The following NOX1 variants were observed in gnomAD, a reference collection of about 807,000 sequenced individuals.
NOX1 encodes the protein NADH/NADPH mitogenic oxidase subunit P65-MOX.
A neutral mutation model predicts 42.5 loss-of-function variants in NOX1; 34 were observed. The ratio of observed to expected loss-of-function variants is 0.80; its 90% CI spans 0.61 to 1.07. The LOEUF is 1.07. NOX1 is among the 50% of genes least tolerant of loss of function. The pLI is 0.00. For synonymous variants in NOX1, 143 were observed against 152.5 expected (o/e 0.94, Z 0.46); for missense variants, 408 against 427.0 (o/e 0.96, Z 0.39).
intron 5 of NOX1, 41 bp downstream of exon 5, chrX:100,862,628 C>G: frequency 8.4e-7 from 1 of 1,193,382 alleles, no homozygotes; most frequent in Non-Finnish European, 1.1e-6. Context: ...ACTTCCTGCT[C>G]ATGACCAGAT....
At chrX:100,851,461 C>G (rs2085114076) in intron 7 of NOX1, 136 bp from the exon 8 acceptor site, 1 of 344,751 alleles carries the variant, frequency 2.9e-6, no homozygotes, top group Non-Finnish European at 5.0e-6. Flanking sequence ...TTCACCAAAT[C>G]TGGAAGATGG....
At chrX:100,845,578 G>A (rs1262983296) in intron 12 of NOX1, among the ~76,000 whole-genome samples, 2 of 105,631 alleles carry the variant, frequency 1.9e-5, no homozygotes, top group African/African-American at 6.9e-5. Flanking sequence ...GTATAACAAG[G>A]AGTGGGATTG....
At chrX:100,852,475 A>T (rs923107251) in intron 7 of NOX1, among the ~76,000 whole-genome samples, 1 of 112,314 alleles carries the variant, frequency 8.9e-6, no homozygotes, top group Non-Finnish European at 1.9e-5. Context: ...AATAAATAAA[A>T]TAAATAAATA....
chrX:100,866,220 TCA>T (rs2085236052), intron 2 of NOX1, among the ~76,000 whole-genome samples: 1 of 75,593 alleles, frequency 1.3e-5, no homozygotes, highest in African/African-American at 4.8e-5. Context: ...AGACTCCATC[TCA>T]AAAAAAAAAA....
At chrX:100,862,123 C>G (rs2085207151) in intron 7 of NOX1, 48 bp downstream of exon 7, 11 of 1,166,743 alleles carry the variant, frequency 9.4e-6, no homozygotes, top group Non-Finnish European at 1.2e-5. Context: ...AGAATAATAA[C>G]AGTAACAGCT....
At chrX:100,864,509 A>G (rs1170975476) in intron 2 of NOX1, among the ~76,000 whole-genome samples, 2 of 111,901 alleles carry the variant, frequency 1.8e-5, no homozygotes, top group Non-Finnish European at 3.8e-5. Flanking sequence ...TTGGAGCAAA[A>G]TTTTTAAACA....
chrX:100,855,476 T>TCCACCAC, intron 7 of NOX1: 1 of 748,614 alleles, frequency 1.3e-6, no homozygotes, highest in Non-Finnish European at 2.1e-6. Flanking sequence ...CATTGTAGCT[T>TCCACCAC]CCACCACCTC....
Position 100,862,523 on chromosome X carries a change from G to A in NOX1, c.540C>T (p.Ile180=). Residue 180 remains isoleucine, a synonymous_variant, in exon 6 of 13, where the codon ATC becomes ATT. Transcript: ENST00000372966. ...FTSIAGLTGV[I]MTIALILMVT... ...CCATGAGAATCAAGGCTATTGTCAT[G>A]ATCACTCCAGTGAGACCAGCAATGC... The A allele has an allele frequency of 5.0e-6, 6 of 1,210,530 alleles. No individual in the cohort carries two copies. The highest frequency in any genetic ancestry group is 6.7e-6 in the Non-Finnish European group (6 of 894,394).
chrX:100,858,311 C>T (rs2085180843), intron 7 of NOX1, among the ~76,000 whole-genome samples: 2 of 112,067 alleles, frequency 1.8e-5, no homozygotes, highest in Admixed American at 1.9e-4. Flanking sequence ...TATACCAGTA[C>T]TATGCTGTTT....
chrX:100,847,166 G>A (rs2085079399), intron 12 of NOX1, among the ~76,000 whole-genome samples: 1 of 111,163 alleles, frequency 9.0e-6, no homozygotes, highest in African/African-American at 3.3e-5. Flanking sequence ...TCCAGCCTGG[G>A]TGACAAAGCA....
chrX:100,855,630 C>A, intron 7 of NOX1: 1 of 1,035,164 alleles, frequency 9.7e-7, no homozygotes, highest in Non-Finnish European at 1.3e-6. Flanking sequence ...TCCAGAGTAA[C>A]CAGGGCCGCC....
chrX:100,870,214 T>C (rs1396122115), intron 2 of NOX1, among the ~76,000 whole-genome samples: 2 of 107,993 alleles, frequency 1.9e-5, no homozygotes, highest in Admixed American at 2.0e-4. Flanking sequence ...TTTCTATTGA[T>C]TGAAATAGTT....
intron 2 of NOX1, among the ~76,000 whole-genome samples, chrX:100,868,516 C>T (rs1251898330): frequency 9.1e-6 from 1 of 110,322 alleles, no homozygotes; most frequent in East Asian, 2.9e-4. Context: ...CCACTCCCTC[C>T]CTCCCTCTTC....
chrX:100,862,848 A>G (rs750644970), intron 4 of NOX1, 28 bp from the exon 5 acceptor site: 1 of 1,171,591 alleles, frequency 8.5e-7, no homozygotes, highest in East Asian at 3.0e-5. Context: ...AAGAAATGTT[A>G]AGAGGCATCT....
At chrX:100,858,698 G>A (rs2085183704) in intron 7 of NOX1, among the ~76,000 whole-genome samples, 2 of 110,801 alleles carry the variant, frequency 1.8e-5, no homozygotes, top group Admixed American at 1.9e-4. Flanking sequence ...TGGCTATTGT[G>A]AATGGGATTG....
At chrX:100,866,813 A>G (rs1184582941) in intron 2 of NOX1, among the ~76,000 whole-genome samples, 1 of 110,185 alleles carries the variant, frequency 9.1e-6, no homozygotes, top group African/African-American at 3.3e-5. Flanking sequence ...ACTGGGTACA[A>G]TGTTCACTAT....
chrX:100,858,647 C>T (rs1263453800), intron 7 of NOX1, among the ~76,000 whole-genome samples: 1 of 110,981 alleles, frequency 9.0e-6, no homozygotes, highest in African/African-American at 3.3e-5. Flanking sequence ...GATCTTTCAC[C>T]TCCCTAGTTG....
rs764045295 is a variant in NOX1 at position 100,863,200 on chromosome X, G to T, written c.296C>A (p.Thr99Asn). The T allele has an allele frequency of 8.3e-7, 1 of 1,208,481 alleles. No individual in the cohort carries two copies. The highest frequency in any genetic ancestry group is 1.1e-6 in the Non-Finnish European group (1 of 892,373). ...TLRKQLDHNL[T>N]FHKLVAYMIC... Reference sequence around the variant, plus strand: ...CATATAGGCCACCAGCTTGTGGAAGGTGAGGTTGTGATCCAATTGCTTTCT... The same window carrying T: ...CATATAGGCCACCAGCTTGTGGAAGTTGAGGTTGTGATCCAATTGCTTTCT... Residue 99 changes from threonine to asparagine, a missense_variant, in exon 4 of 13, where the codon ACC becomes AAC. By Grantham distance (65) the Thr-to-Asn change is moderately conservative. Transcript: ENST00000372966.
chrX:100,867,253 C>G (rs1212308942), intron 2 of NOX1, among the ~76,000 whole-genome samples: 2 of 111,334 alleles, frequency 1.8e-5, no homozygotes, highest in African/African-American at 6.5e-5. Context: ...ATCTCCTGAC[C>G]TCGTGATCCG....
Sources: allele counts gnomAD v4.1 joint callset (sites outside exome capture counted in the v4.1 genomes callset), GRCh38; gene constraint gnomAD v4.1.1; transcripts MANE v1.5; gene names NCBI Gene and HGNC (gene_info 2026-07-23, HGNC 2026-07-21).